The following AVL9 variants were observed in gnomAD, a reference collection of about 807,000 sequenced individuals.
The protein encoded by AVL9 is late secretory pathway protein AVL9 homolog.
Under a neutral mutation model 79.2 loss-of-function variants are expected in AVL9, and 49 were observed. That is an observed-to-expected ratio of 0.62 (90% CI 0.49 to 0.79). The LOEUF (loss-of-function observed/expected upper bound fraction) is 0.79. Ranked by LOEUF, AVL9 falls within the 30% of genes least tolerant of loss-of-function variation. AVL9 has a pLI of 0.00. For missense variants in AVL9, 682 were observed against 776.8 expected (o/e 0.88, Z 1.45); for synonymous variants, 299 against 280.6 (o/e 1.07, Z -0.65).
chr7:32,566,574 TA>T (rs368620978), intron 10 of AVL9, among the ~76,000 whole-genome samples: 152,049 of 152,076 alleles, frequency 1, 76,011 homozygotes, highest in Middle Eastern at 1. Context: ...TACAATCTAG[TA>T]GGCCAAACAA....
At chr7:32,518,130 C>T (rs779564318) in intron 1 of AVL9, among the ~76,000 whole-genome samples, 3 of 152,100 alleles carry the variant, frequency 2.0e-5, no homozygotes, top group South Asian at 2.1e-4. Flanking sequence ...CCGTGCCAGC[C>T]GTGCTGTGTA....
chr7:32,500,687 C>T (rs1342169195), intron 1 of AVL9, among the ~76,000 whole-genome samples: 1 of 152,100 alleles, frequency 6.6e-6, no homozygotes, highest in Non-Finnish European at 1.5e-5. Flanking sequence ...TTTGCCATGC[C>T]TATATCCTGA....
At chr7:32,515,849 G>C (rs542129939) in intron 1 of AVL9, among the ~76,000 whole-genome samples, 4 of 151,952 alleles carry the variant, frequency 2.6e-5, no homozygotes, top group African/African-American at 7.3e-5. Context: ...AGGGAACAAG[G>C]CCTCTCTGAA....
chr7:32,517,492 G>C (rs1010005339), intron 1 of AVL9, among the ~76,000 whole-genome samples: 1 of 151,902 alleles, frequency 6.6e-6, no homozygotes, highest in Non-Finnish European at 1.5e-5. Context: ...TTTTAGTAGA[G>C]ACGGGGTTTC....
intron 4 of AVL9, 137 bp from the exon 5 acceptor site, chr7:32,551,197 G>T: frequency 3.3e-6 from 2 of 605,810 alleles, no homozygotes; most frequent in Non-Finnish European, 5.9e-6. Flanking sequence ...TGAATAATAC[G>T]CACTAAAGTT....
At chr7:32,559,503 T>C (rs773965775) in intron 10 of AVL9, 39 bp downstream of exon 10, 4 of 1,498,510 alleles carry the variant, frequency 2.7e-6, no homozygotes, top group South Asian at 1.4e-5. Flanking sequence ...CTTAAAGAAT[T>C]TGAAAAATCC....
At chr7:32,562,666 T>C (rs1338398594) in intron 10 of AVL9, 1 of 979,008 alleles carries the variant, frequency 1.0e-6, no homozygotes. Flanking sequence ...ACACCTGTAA[T>C]CCCAGCACTT....
intron 10 of AVL9, among the ~76,000 whole-genome samples, chr7:32,563,659 T>C (rs1184988246): frequency 6.6e-6 from 1 of 151,916 alleles, no homozygotes; most frequent in Admixed American, 6.6e-5. Context: ...CTGGTATCCA[T>C]GAAGTGGTAT....
intron 13 of AVL9, 135 bp from the exon 14 acceptor site, chr7:32,580,084 T>C: frequency 1.5e-6 from 1 of 660,562 alleles, no homozygotes; most frequent in Non-Finnish European, 2.6e-6. Flanking sequence ...CAAAGCCAAG[T>C]TTCCCGATAC....
rs1191440400 is a variant in AVL9 at position 32,585,978 on chromosome 7, T to C, written c.*2071T>C. 4.3e-4 allele frequency: 65 copies of C among 152,174 alleles called. No individual in the cohort carries two copies. Among genetic ancestry groups the C allele is most frequent in the Admixed American group, 4.3e-3 (65 of 15,272 alleles). The allele number at this position is 152,174 out of a possible 1,614,324, so 9.4% of individuals were successfully genotyped here. On this transcript the variant is annotated 3_prime_UTR_variant, in exon 16 of 16. Coordinates refer to ENST00000318709, the MANE Select transcript of AVL9 (RefSeq NM_015060.3). ...GTGTGATTTGTGTACAATTGTTACC[T>C]CTCAGCTGCTGAAGTTCACACTTCA...
chr7:32,582,047 C>T lies in AVL9; in HGVS notation c.1831+1157C>T, dbSNP rs145010905. The stretch of plus-strand genomic sequence containing the variant: ...ATGCTCTTCTGCACCTAGCTGTTTT[C>T]GCTTAAAATATTTTGAATATTGTTC... On this transcript the variant is annotated intron_variant, in intron 15 of 15. Coordinates refer to ENST00000318709, the MANE Select transcript of AVL9 (RefSeq NM_015060.3). Among the ~76,000 whole-genome samples the T allele has an allele frequency of 1.5e-3, 232 of 152,272 alleles. 1 individual carries two copies. The highest frequency in any genetic ancestry group is 5.4e-3 in the African/African-American group (223 of 41,566).
intron 4 of AVL9, among the ~76,000 whole-genome samples, chr7:32,549,928 AAAG>A (rs554109312): frequency 6.6e-6 from 1 of 151,792 alleles, no homozygotes; most frequent in African/African-American, 2.4e-5. Flanking sequence ...CAAAAAAAAA[AAAG>A]AAAGAAAGAA....
At chr7:32,525,346 C>A (rs1187206932) in intron 1 of AVL9, among the ~76,000 whole-genome samples, 1 of 152,152 alleles carries the variant, frequency 6.6e-6, no homozygotes, top group Non-Finnish European at 1.5e-5. Context: ...CCAAGACTTT[C>A]ACTAGAATAG....
intron 1 of AVL9, among the ~76,000 whole-genome samples, chr7:32,527,401 T>A (rs554716185): frequency 6.6e-6 from 1 of 152,322 alleles, no homozygotes; most frequent in African/African-American, 2.4e-5. Flanking sequence ...TTTTAAAAAT[T>A]TTTCAAGACA....
At position 32,587,546 on chromosome 7, in the gene AVL9, C is replaced by CTGTT. The variant is rs1237133539; in HGVS notation, c.*3640_*3643dup. 1 of 152,228 alleles carries CTGTT rather than the reference C, an allele frequency of 6.6e-6. No homozygotes were observed. The highest frequency in any genetic ancestry group is 1.5e-5 in the Non-Finnish European group (1 of 68,080). 9.4% of individuals were successfully genotyped at this position (152,228 alleles called of 1,614,324 possible). On this transcript the variant is annotated 3_prime_UTR_variant, in exon 16 of 16. Coordinates refer to ENST00000318709, the MANE Select transcript of AVL9 (RefSeq NM_015060.3). ...TGCGTCAGCAGTTGCAGAAAGTAGCCTGTTAGGACAGCAGCTGCTAAGCGT... is the reference window on the plus strand; with the variant it reads ...TGCGTCAGCAGTTGCAGAAAGTAGCCTGTTTGTTAGGACAGCAGCTGCTAAGCGT...
intron 1 of AVL9, chr7:32,536,106 T>A (rs1788893391): frequency 6.6e-6 from 1 of 152,222 alleles, no homozygotes; most frequent in African/African-American, 2.4e-5. Context: ...CATAGCAGTA[T>A]GAGGACTGAT....
intron 11 of AVL9, among the ~76,000 whole-genome samples, chr7:32,571,022 G>C (rs1175786771): frequency 6.9e-6 from 1 of 144,860 alleles, no homozygotes; most frequent in Non-Finnish European, 1.5e-5. Flanking sequence ...CTGAGGTCAG[G>C]AGTTCGAGAC....
intron 1 of AVL9, among the ~76,000 whole-genome samples, chr7:32,531,039 C>T (rs1788624201): frequency 6.6e-6 from 1 of 152,030 alleles, no homozygotes; most frequent in Non-Finnish European, 1.5e-5. Flanking sequence ...GGGAGTACTC[C>T]AGAGAACAAG....
intron 1 of AVL9, chr7:32,536,978 C>T (rs1788941944): frequency 1.3e-5 from 2 of 152,188 alleles, no homozygotes; most frequent in Non-Finnish European, 2.9e-5. Flanking sequence ...AACCCAGGAA[C>T]TCACTGAATC....
Sources: gnomAD v4.1 joint callset for allele counts (sites outside exome capture counted in the v4.1 genomes callset) on GRCh38, gnomAD v4.1.1 for gene constraint, MANE v1.5 for transcripts, NCBI Gene and HGNC (gene_info 2026-07-23, HGNC 2026-07-21) for gene names.